The following NCKAP5 variants were observed in gnomAD, a reference collection of about 807,000 sequenced individuals.
NCKAP5 encodes the protein NCK associated protein 5, also known as nck-associated protein 5.
NCKAP5 carries 92 observed loss-of-function variants against 167.0 expected under a neutral mutation model. That is an observed-to-expected ratio of 0.55 (90% confidence interval 0.47 to 0.66). The LOEUF is 0.66. Among genes scored for constraint, NCKAP5 ranks in the 30% least tolerant of loss-of-function variants. The pLI is 0.00. For synonymous variants in NCKAP5, 891 were observed against 877.4 expected (o/e 1.02, Z -0.27); for missense variants, 2,378 against 2,315.0 (o/e 1.03, Z -0.56).
chr2:133,546,489 G>T (rs142165137), intron 2 of NCKAP5, among the ~76,000 whole-genome samples: 2 of 152,046 alleles, frequency 1.3e-5, no homozygotes, highest in African/African-American at 4.8e-5. Context: ...TACAAGCTGC[G>T]CTATAGAGTT....
At chr2:133,282,932 C>A (rs1261525537) in intron 4 of NCKAP5, among the ~76,000 whole-genome samples, 1 of 152,186 alleles carries the variant, frequency 6.6e-6, no homozygotes, top group Non-Finnish European at 1.5e-5. Context: ...TGTATTAAAA[C>A]AATCCTTGAC....
chr2:133,516,283 C>A (rs1683985468), intron 3 of NCKAP5, among the ~76,000 whole-genome samples: 1 of 151,950 alleles, frequency 6.6e-6, no homozygotes, highest in Non-Finnish European at 1.5e-5. Context: ...ACACAGACAC[C>A]CAGACACACT....
At chr2:132,748,310 C>T (rs1449834462) in intron 16 of NCKAP5, among the ~76,000 whole-genome samples, 1 of 152,188 alleles carries the variant, frequency 6.6e-6, no homozygotes, top group Non-Finnish European at 1.5e-5. Context: ...AAATTTGTAT[C>T]TCTTGGAAAA....
chr2:132,935,773 A>C (rs1199849558), intron 8 of NCKAP5, among the ~76,000 whole-genome samples: 1 of 152,094 alleles, frequency 6.6e-6, no homozygotes, highest in Admixed American at 6.5e-5. Context: ...ACACCTTGGC[A>C]GTGAAGATGG....
intron 3 of NCKAP5, among the ~76,000 whole-genome samples, chr2:133,422,289 C>G (rs1689528364): frequency 6.6e-6 from 1 of 152,224 alleles, no homozygotes; most frequent in African/African-American, 2.4e-5. Flanking sequence ...TACAGATGAA[C>G]AGGATTGCTT....
intron 6 of NCKAP5, among the ~76,000 whole-genome samples, chr2:133,039,735 C>G (rs1424026751): frequency 1.3e-5 from 2 of 152,188 alleles, no homozygotes; most frequent in East Asian, 1.9e-4. Flanking sequence ...ACTTCTGGCT[C>G]TAGCCCCAGA....
At chr2:132,770,473 ATAACTTTATTATTTATGTAATGG>A (rs1452207063) in intron 16 of NCKAP5, among the ~76,000 whole-genome samples, 1 of 148,756 alleles carries the variant, frequency 6.7e-6, no homozygotes, top group African/African-American at 2.4e-5. Context: ...TTATAACATA[ATAACTTTATTATTTATGTAATGG>A]ATTGTCAGGC....
chr2:133,618,910 G>A, the NCKAP5 span, among the ~76,000 whole-genome samples: 1 of 145,862 alleles, frequency 6.9e-6, no homozygotes, highest in South Asian at 2.4e-4. Context: ...CAACCCAAAT[G>A]TCCAACAATG....
At chr2:132,943,746 C>T (rs920523119) in intron 8 of NCKAP5, among the ~76,000 whole-genome samples, 7 of 152,144 alleles carry the variant, frequency 4.6e-5, no homozygotes, top group Admixed American at 6.5e-5. Context: ...CAGAAGACAC[C>T]GATGACAATG....
chr2:133,373,359 A>AAT lies in NCKAP5; in HGVS notation c.70-70251_70-70250dup, dbSNP rs1315421928. On this transcript the variant is annotated intron_variant, in intron 3 of 19. Coordinates refer to ENST00000409261, the MANE Select transcript of NCKAP5 (RefSeq NM_207363.3). ...TAGGAGTGAGCCACCACGCCTGGCC[A>AAT]ATATATATATGTACTATCTACAGGG... 3.3e-5 allele frequency among the ~76,000 whole-genome samples: 5 copies of AAT among 152,174 alleles called. 1 individual carries two copies. Among genetic ancestry groups the AAT allele is most frequent in the Non-Finnish European group, 7.3e-5 (5 of 68,032 alleles).
chr2:132,761,572 T>C (rs895116651), intron 16 of NCKAP5, among the ~76,000 whole-genome samples: 1 of 152,248 alleles, frequency 6.6e-6, no homozygotes, highest in African/African-American at 2.4e-5. Context: ...TTATATCCTA[T>C]ACTTTAGTAG....
intron 2 of NCKAP5, among the ~76,000 whole-genome samples, chr2:133,524,958 A>G (rs923580364): frequency 3.3e-5 from 5 of 152,140 alleles, no homozygotes; most frequent in African/African-American, 1.2e-4. Context: ...GTACATGCGC[A>G]TGAGTATATG....
chr2:133,468,824 G>A (rs540704925), intron 3 of NCKAP5, among the ~76,000 whole-genome samples: 59 of 152,188 alleles, frequency 3.9e-4, no homozygotes, highest in African/African-American at 1.4e-3. Context: ...CAGAGAGTAG[G>A]TTTGCAACCC....
intron 3 of NCKAP5, among the ~76,000 whole-genome samples, chr2:133,357,263 A>G (rs1184378837): frequency 6.7e-6 from 1 of 148,434 alleles, no homozygotes; most frequent in Non-Finnish European, 1.5e-5. Context: ...ACTTATTCCT[A>G]TTAGTTGGGT....
chr2:133,492,066 T>A (rs375657779), intron 3 of NCKAP5, among the ~76,000 whole-genome samples: 1 of 151,784 alleles, frequency 6.6e-6, no homozygotes, highest in African/African-American at 2.4e-5. Context: ...CAGGCCAGCA[T>A]GCTTGCTCCC....
chr2:133,106,687 A>G (rs1202383598), intron 6 of NCKAP5, among the ~76,000 whole-genome samples: 2 of 152,212 alleles, frequency 1.3e-5, no homozygotes, highest in African/African-American at 4.8e-5. Flanking sequence ...GACTGTAAAA[A>G]CAGCAGTTTT....
At chr2:133,128,166 T>G (rs1363355320) in intron 6 of NCKAP5, among the ~76,000 whole-genome samples, 1 of 152,220 alleles carries the variant, frequency 6.6e-6, no homozygotes, top group East Asian at 1.9e-4. Context: ...AAAGCTATAT[T>G]ATTTATCACC....
At chr2:133,103,062 ATTTCT>A (rs142273730) in intron 6 of NCKAP5, among the ~76,000 whole-genome samples, 1,674 of 152,268 alleles carry the variant, frequency 0.011, 38 homozygotes, top group African/African-American at 0.038. Context: ...CTAAAAACTC[ATTTCT>A]TTTCATTTTT....
At chr2:133,451,213 AG>A (rs1223679256) in intron 3 of NCKAP5, among the ~76,000 whole-genome samples, 1 of 152,198 alleles carries the variant, frequency 6.6e-6, no homozygotes, top group Non-Finnish European at 1.5e-5. Flanking sequence ...AGAGGGACCC[AG>A]AAGCCATTCT....
Sources: gnomAD v4.1 joint callset for allele counts (sites outside exome capture counted in the v4.1 genomes callset) on GRCh38, gnomAD v4.1.1 for gene constraint, MANE v1.5 for transcripts, NCBI Gene and HGNC (gene_info 2026-07-23, HGNC 2026-07-21) for gene names.